Variants in CSMD1 observed in about 807,000 individuals in gnomAD.
CSMD1 encodes CUB and sushi domain-containing protein 1.
In CSMD1, 213 loss-of-function variants were observed where a neutral mutation model predicts 417.5. The ratio of observed to expected loss-of-function variants is 0.51; its 90% confidence interval spans 0.46 to 0.57. The LOEUF is 0.57. Among genes scored for constraint, CSMD1 ranks in the 20% least tolerant of loss-of-function variants. The probability of loss-of-function intolerance (pLI) is 0.00; values close to 1 mark genes in which losing one functional copy is unlikely to be tolerated. For missense variants in CSMD1, 6,923 were observed against 4,529.7 expected, an observed-to-expected ratio of 1.53 and a Z score of -15.17; for synonymous variants, 2,862 against 1,736.8, an observed-to-expected ratio of 1.65 and a Z score of -16.11.
chr8:3,931,676 A>T (rs1400802171), intron 5 of CSMD1, among the ~76,000 whole-genome samples: 1 of 149,586 alleles, frequency 6.7e-6, no homozygotes, highest in Non-Finnish European at 1.5e-5. Context: ...AAAAACAAAC[A>T]AACAAACAAC....
At chr8:3,475,681 A>T (rs187008917) in intron 11 of CSMD1, among the ~76,000 whole-genome samples, 218 of 152,312 alleles carry the variant, frequency 1.4e-3, no homozygotes, top group African/African-American at 5.1e-3. Context: ...TCTCACATTG[A>T]TATGTCTGGT....
At chr8:2,950,430 AGAT>A (rs1802551778) in intron 66 of CSMD1, 87 bp from the exon 67 acceptor site, 1 of 771,790 alleles carries the variant, frequency 1.3e-6, no homozygotes, top group South Asian at 1.5e-5. Flanking sequence ...TGTGGTACGG[AGAT>A]GATAATATCA....
At chr8:4,585,231 G>A (rs1216058754) in intron 2 of CSMD1, among the ~76,000 whole-genome samples, 3 of 152,098 alleles carry the variant, frequency 2.0e-5, no homozygotes, top group Non-Finnish European at 2.9e-5. Flanking sequence ...CATCAGCAGA[G>A]AACTGCCATC....
rs1175477762 is a variant in CSMD1, at chr8:4,295,750, G to GTGTATATA, written c.415+124202_415+124203insTATATACA. Among the ~76,000 whole-genome samples, 55 of 34,192 alleles carry GTGTATATA rather than the reference G, an allele frequency of 1.6e-3. No homozygotes were observed. The South Asian group carries it at 0.021, about 13-fold the overall frequency. 22.4% of individuals were successfully genotyped at this position (34,192 alleles called of 152,430 possible). A position where few individuals can be genotyped will look rare whatever the true frequency, so the allele number is the denominator to read the frequency against. ...TCTGTGTGTGTGTATATGTGTGTGT[G>GTGTATATA]TATATATATATATATATATATATAT... On this transcript the variant is annotated intron_variant, in intron 3 of 69. Coordinates refer to ENST00000635120, the MANE Select transcript of CSMD1 (RefSeq NM_033225.6).
intron 2 of CSMD1, among the ~76,000 whole-genome samples, chr8:4,437,660 T>C (rs1037895711): frequency 6.6e-6 from 1 of 152,214 alleles, no homozygotes; most frequent in South Asian, 2.1e-4. Context: ...AAGGAGTTCG[T>C]AGAGTTTAAC....
intron 26 of CSMD1, among the ~76,000 whole-genome samples, chr8:3,240,738 C>T (rs559243424): frequency 7.5e-4 from 114 of 152,002 alleles, no homozygotes; most frequent in African/African-American, 2.2e-3. Flanking sequence ...AGGGAGGTAT[C>T]GAGGTTAGGA....
intron 1 of CSMD1, among the ~76,000 whole-genome samples, chr8:4,827,431 A>C (rs1056834140): frequency 2.6e-5 from 4 of 152,168 alleles, no homozygotes; most frequent in South Asian, 2.1e-4. Context: ...AGCTCGACAG[A>C]AACTCTCTTC....
intron 12 of CSMD1, among the ~76,000 whole-genome samples, chr8:3,412,292 AT>A (rs758525565): frequency 2.0e-5 from 3 of 151,792 alleles, no homozygotes; most frequent in Non-Finnish European, 4.4e-5. Context: ...TTGTGCTGCT[AT>A]AAATATGTGT....
chr8:3,294,538 A>C (rs1000029842), intron 25 of CSMD1, among the ~76,000 whole-genome samples: 1 of 146,068 alleles, frequency 6.8e-6, no homozygotes. Flanking sequence ...CCCCTCCCCC[A>C]GCCTCGCTGC....
intron 1 of CSMD1, among the ~76,000 whole-genome samples, chr8:4,646,968 T>G (rs1183172336): frequency 1.3e-5 from 2 of 152,186 alleles, no homozygotes; most frequent in Admixed American, 6.5e-5. Flanking sequence ...ACACATTTTC[T>G]CTCTCCCGGG....
At chr8:4,419,334 A>T (rs1797121357) in intron 3 of CSMD1, among the ~76,000 whole-genome samples, 1 of 152,162 alleles carries the variant, frequency 6.6e-6, no homozygotes, top group Non-Finnish European at 1.5e-5. Flanking sequence ...AAAACCTAAT[A>T]CTTGAAATGA....
intron 2 of CSMD1, among the ~76,000 whole-genome samples, chr8:4,566,895 C>CAATCAGAAAAACTCAATTTAGG (rs1554514089): frequency 1.3e-5 from 2 of 151,306 alleles, no homozygotes; most frequent in Non-Finnish European, 2.9e-5. Context: ...TGTTTTCCAG[C>CAATCAGAAAAACTCAATTTAGG]AATGAGAAAA....
intron 2 of CSMD1, among the ~76,000 whole-genome samples, chr8:4,452,908 G>A (rs188245683): frequency 2.6e-4 from 40 of 152,286 alleles, no homozygotes; most frequent in Non-Finnish European, 4.6e-4. Flanking sequence ...GCAACGATGG[G>A]CACAGTGGTA....
rs1008962547 is a variant in CSMD1, at chr8:3,656,869, G to A, written c.1010-40072C>T. Among the ~76,000 whole-genome samples the A allele has an allele frequency of 2.0e-5, 3 of 151,538 alleles. No homozygotes were observed. In the South Asian group the frequency reaches 6.2e-4, roughly 31 times the overall value. ...GTCCCTGGGTGGCAGAGGTGGCAGT[G>A]AGCCAAGATCACACCACTGCACTCC... On this transcript the variant is annotated intron_variant, in intron 7 of 69. Transcript: ENST00000635120.
chr8:4,094,457 G>C (rs750573053), intron 3 of CSMD1, among the ~76,000 whole-genome samples: 5 of 152,130 alleles, frequency 3.3e-5, no homozygotes, highest in Admixed American at 6.6e-5. Context: ...GAGGTAGAGG[G>C]AGGAATCGAA....
chr8:4,010,302 G>C (rs909675772), intron 4 of CSMD1, among the ~76,000 whole-genome samples: 5 of 151,828 alleles, frequency 3.3e-5, no homozygotes, highest in African/African-American at 1.2e-4. Flanking sequence ...TAATAATCTG[G>C]CACCCTCTGC....
intron 4 of CSMD1, among the ~76,000 whole-genome samples, chr8:4,004,398 T>C (rs911212991): frequency 8.6e-5 from 13 of 150,544 alleles, no homozygotes; most frequent in Non-Finnish European, 8.8e-5. Context: ...GTTTTTGTTT[T>C]AAAATAAATT....
chr8:3,896,502 T>C (rs1456635766), intron 5 of CSMD1, among the ~76,000 whole-genome samples: 2 of 151,886 alleles, frequency 1.3e-5, no homozygotes, highest in East Asian at 3.9e-4. Context: ...TTGAATATTA[T>C]TACTATTATT....
chr8:3,807,802 T>C (rs2129075360), intron 5 of CSMD1, among the ~76,000 whole-genome samples: 1 of 152,308 alleles, frequency 6.6e-6, no homozygotes, highest in East Asian at 1.9e-4. Flanking sequence ...TTCAGGCAGA[T>C]GCACAGACCC....
Sources: gnomAD v4.1 joint callset for allele counts (sites outside exome capture counted in the v4.1 genomes callset) on GRCh38, gnomAD v4.1.1 for gene constraint, MANE v1.5 for transcripts, NCBI Gene and HGNC (gene_info 2026-07-23, HGNC 2026-07-21) for gene names.